The following PPARGC1A variants were observed in gnomAD, a reference collection of about 807,000 sequenced individuals.
PPARGC1A encodes peroxisome proliferator-activated receptor gamma coactivator 1-alpha.
A neutral mutation model predicts 88.7 loss-of-function variants in PPARGC1A; 25 were observed. The observed-to-expected ratio is 0.28, with a 90% confidence interval of 0.21 to 0.39. The LOEUF (loss-of-function observed/expected upper bound fraction) is 0.39. PPARGC1A is among the 10% of genes least tolerant of loss of function. The pLI is 1.00. For synonymous variants in PPARGC1A, 363 were observed against 355.6 expected (o/e 1.02, Z -0.24); for missense variants, 880 against 968.7 (o/e 0.91, Z 1.22).
chr4:24,206,212 T>C, the PPARGC1A span, among the ~76,000 whole-genome samples: 2 of 152,296 alleles, frequency 1.3e-5, no homozygotes, highest in African/African-American at 4.8e-5. Flanking sequence ...TACGTTAAGA[T>C]ACCACAGAAG....
the PPARGC1A span, among the ~76,000 whole-genome samples, chr4:24,087,952 A>T: frequency 6.6e-6 from 1 of 152,356 alleles, no homozygotes; most frequent in East Asian, 1.9e-4. Context: ...CTCTTGACTT[A>T]TTAAAAAAAG....
At chr4:23,890,480 T>G (rs1717665019), upstream of PPARGC1A, among the ~76,000 whole-genome samples, 1 of 152,154 alleles carries the variant, frequency 6.6e-6, no homozygotes, top group African/African-American at 2.4e-5. Context: ...CTAAGAACTC[T>G]TTAATTCTAA....
Position 23,824,507 on chromosome 4 carries a change from GGCT to G in PPARGC1A, c.758-2_758del. On this transcript the variant is annotated splice_acceptor_variant and coding_sequence_variant, in exon 6 of 13. Transcript: ENST00000264867. LOFTEE classifies it high-confidence loss of function. Reference sequence around the variant, plus strand: ...GAGGAAGAGATAAAGTTGTTGGTTTGGCTAAAGAAAAAAAAAAGAAACTAATTA... The same window carrying G: ...GAGGAAGAGATAAAGTTGTTGGTTTGAAAGAAAAAAAAAAGAAACTAATTA... The G allele has an allele frequency of 6.3e-7, 1 of 1,594,794 alleles. No individual in the cohort carries two copies. Among genetic ancestry groups the G allele is most frequent in the Admixed American group, 1.7e-5 (1 of 57,190 alleles).
the PPARGC1A span, among the ~76,000 whole-genome samples, chr4:24,249,948 A>G: frequency 6.6e-6 from 1 of 152,234 alleles, no homozygotes; most frequent in African/African-American, 2.4e-5. Context: ...AATTATTGAT[A>G]TCACTCATTA....
chr4:24,152,384 A>T, the PPARGC1A span, among the ~76,000 whole-genome samples: 1 of 152,188 alleles, frequency 6.6e-6, no homozygotes, highest in Non-Finnish European at 1.5e-5. Flanking sequence ...TGATCCTGGG[A>T]CACCAAGATG....
chr4:24,433,528 C>T, the PPARGC1A span, among the ~76,000 whole-genome samples: 1 of 152,126 alleles, frequency 6.6e-6, no homozygotes, highest in African/African-American at 2.4e-5. Flanking sequence ...CATATAAACT[C>T]TCATTTTGAA....
At chr4:24,306,815 G>C in the PPARGC1A span, among the ~76,000 whole-genome samples, 2 of 152,292 alleles carry the variant, frequency 1.3e-5, no homozygotes, top group South Asian at 4.1e-4. Flanking sequence ...GAAGGAGGAA[G>C]GTGGAACAGC....
the PPARGC1A span, among the ~76,000 whole-genome samples, chr4:24,421,054 C>T: frequency 6.6e-6 from 1 of 152,152 alleles, no homozygotes; most frequent in East Asian, 1.9e-4. Context: ...CCAATGACCC[C>T]ATCCTCTCAC....
chr4:24,229,052 A>G, the PPARGC1A span, among the ~76,000 whole-genome samples: 2 of 151,978 alleles, frequency 1.3e-5, 1 homozygote, highest in African/African-American at 4.8e-5. Context: ...TTGGCTGCAC[A>G]TTGGAATAAC....
In PPARGC1A at chr4:23,801,833, A is replaced by C. The variant is rs745429347; in HGVS notation, c.2190T>G (p.Ala730=). 3.1e-6 allele frequency: 5 copies of C among 1,613,946 alleles called. No homozygotes were observed. The highest frequency in any genetic ancestry group is 1.7e-5 in the Admixed American group (1 of 60,014). Reference sequence around the variant, plus strand: ...GCAAAGTGTATCCATTTTCAAGAGCAGCAAAAGCATCACAGGTATAACGGT... The same window carrying C: ...GCAAAGTGTATCCATTTTCAAGAGCCGCAAAAGCATCACAGGTATAACGGT... ...ITYRYTCDAF[A]ALENGYTLRR... Residue 730 remains alanine, a synonymous_variant, in exon 12 of 13, where the codon GCT becomes GCG. Transcript: ENST00000264867.
the PPARGC1A span, among the ~76,000 whole-genome samples, chr4:24,327,003 G>T: frequency 1.3e-5 from 2 of 152,098 alleles, no homozygotes; most frequent in African/African-American, 4.8e-5. Flanking sequence ...ACCTTTATTA[G>T]TCAAATCAGC....
the PPARGC1A span, among the ~76,000 whole-genome samples, chr4:23,974,755 C>T: frequency 1.3e-5 from 2 of 148,240 alleles, no homozygotes; most frequent in East Asian, 4.0e-4. Flanking sequence ...GCCTCGGCCT[C>T]CCGAGTAGCT....
At chr4:24,010,794 C>T in the PPARGC1A span, among the ~76,000 whole-genome samples, 1 of 152,136 alleles carries the variant, frequency 6.6e-6, no homozygotes, top group African/African-American at 2.4e-5. Flanking sequence ...GACTACATTC[C>T]TGTAATATTT....
chr4:24,287,359 C>T, the PPARGC1A span, among the ~76,000 whole-genome samples: 1 of 152,144 alleles, frequency 6.6e-6, no homozygotes, highest in East Asian at 1.9e-4. Flanking sequence ...CTCTTAGAGG[C>T]TACATACTTC....
At chr4:24,049,072 C>T in the PPARGC1A span, among the ~76,000 whole-genome samples, 20 of 151,704 alleles carry the variant, frequency 1.3e-4, no homozygotes, top group Admixed American at 1.2e-3. Flanking sequence ...CCAAGAAAAA[C>T]TCTGGTATTT....
chr4:24,387,746 A>AAGAGAGAGAGAG, the PPARGC1A span, among the ~76,000 whole-genome samples: 8 of 61,120 alleles, frequency 1.3e-4, no homozygotes, highest in Non-Finnish European at 2.5e-4. Flanking sequence ...GAAAGAAAGA[A>AAGAGAGAGAGAG]AGAGAGAGAG....
chr4:24,203,103 A>C, the PPARGC1A span, among the ~76,000 whole-genome samples: 1 of 152,214 alleles, frequency 6.6e-6, no homozygotes, highest in South Asian at 2.1e-4. Flanking sequence ...TTATCAATTT[A>C]ACAGGTCACA....
At chr4:24,305,148 T>TAC in the PPARGC1A span, among the ~76,000 whole-genome samples, 55 of 148,570 alleles carry the variant, frequency 3.7e-4, no homozygotes, top group African/African-American at 1.3e-3. Context: ...TATATATATA[T>TAC]ACATACACAC....
At chr4:24,088,282 G>C in the PPARGC1A span, among the ~76,000 whole-genome samples, 7 of 152,150 alleles carry the variant, frequency 4.6e-5, no homozygotes, top group Non-Finnish European at 1.0e-4. Flanking sequence ...TTGAGCCCAG[G>C]AGGTAGAGGC....
Sources: allele counts gnomAD v4.1 joint callset (sites outside exome capture counted in the v4.1 genomes callset), GRCh38; gene constraint gnomAD v4.1.1; transcripts MANE v1.5; gene names NCBI Gene and HGNC (gene_info 2026-07-23, HGNC 2026-07-21).